The following FAM83B variants were observed in gnomAD, a reference collection of about 807,000 sequenced individuals.
The protein encoded by FAM83B is scaffolding CK1 anchoring protein B.
Under a neutral mutation model 38.8 loss-of-function variants are expected in FAM83B, and 26 were observed. That is an observed-to-expected ratio of 0.67 (90% CI 0.49 to 0.93). The LOEUF (loss-of-function observed/expected upper bound fraction) is 0.93. FAM83B is among the 40% of genes least tolerant of loss of function. The pLI, the probability that FAM83B is intolerant of heterozygous loss-of-function variation, is 0.00. For synonymous variants in FAM83B, 419 were observed against 423.1 expected, an observed-to-expected ratio of 0.99 and a Z score of 0.12; for missense variants, 1,237 against 1,197.3, an observed-to-expected ratio of 1.03 and a Z score of -0.49.
intron 2 of FAM83B, among the ~76,000 whole-genome samples, chr6:54,916,273 A>T (rs1773035650): frequency 6.6e-6 from 1 of 152,098 alleles, no homozygotes; most frequent in South Asian, 2.1e-4. Flanking sequence ...TTCATGACAG[A>T]CACCCTTTTA....
intron 2 of FAM83B, among the ~76,000 whole-genome samples, chr6:54,889,177 G>A (rs545553734): frequency 6.6e-6 from 1 of 152,168 alleles, no homozygotes; most frequent in African/African-American, 2.4e-5. Context: ...TTCAATAACA[G>A]TTGTGTCACA....
chr6:54,938,928 C>G (rs145638827), intron 4 of FAM83B, among the ~76,000 whole-genome samples: 180 of 152,152 alleles, frequency 1.2e-3, no homozygotes, highest in Non-Finnish European at 1.8e-3. Context: ...GTCATGAATT[C>G]TTTGCATAAG....
chr6:54,905,158 T>C (rs1772750748), intron 2 of FAM83B, among the ~76,000 whole-genome samples: 1 of 152,060 alleles, frequency 6.6e-6, no homozygotes, highest in Non-Finnish European at 1.5e-5. Context: ...AGGGAGAATT[T>C]ATTTGCTGCA....
intron 1 of FAM83B, among the ~76,000 whole-genome samples, chr6:54,860,371 T>C (rs190628247): frequency 6.6e-6 from 1 of 152,318 alleles, no homozygotes; most frequent in East Asian, 1.9e-4. Context: ...TCTATACTCC[T>C]ATACCTTGCC....
At chr6:54,912,075 C>T (rs1772923070) in intron 2 of FAM83B, among the ~76,000 whole-genome samples, 1 of 151,450 alleles carries the variant, frequency 6.6e-6, no homozygotes, top group Non-Finnish European at 1.5e-5. Flanking sequence ...TTTCATGATC[C>T]CTATGTTTAT....
chr6:54,870,340 A>G lies in FAM83B; in HGVS notation c.94A>G (p.Ile32Val). Residue 32 changes from isoleucine to valine, a missense_variant, in exon 2 of 5, where the codon ATT becomes GTT. Ile to Val is a conservative substitution (Grantham distance 29). Transcript: ENST00000306858. Reference protein sequence around the residue: ...PHYKEWYRVAIDILIEHGLEA... With the variant: ...PHYKEWYRVAVDILIEHGLEA... ...CTACAAGGAATGGTATCGAGTAGCC[A>G]TTGATATTCTGATTGAACACGGGTT... 6.2e-7 allele frequency: 1 copy of G among 1,614,018 alleles called. No individual in the cohort carries two copies. The highest frequency in any genetic ancestry group is 8.5e-7 in the Non-Finnish European group (1 of 1,179,904).
intron 2 of FAM83B, among the ~76,000 whole-genome samples, chr6:54,882,803 A>G (rs56667985): frequency 0.097 from 14,688 of 152,130 alleles, 810 homozygotes; most frequent in Middle Eastern, 0.16. Flanking sequence ...ACCTACTTGG[A>G]GCATTCTTTC....
intron 2 of FAM83B, among the ~76,000 whole-genome samples, chr6:54,875,673 G>A (rs1771973519): frequency 6.6e-6 from 1 of 151,730 alleles, no homozygotes. Flanking sequence ...CGGAGGGGAA[G>A]AGGGAAGGTG....
chr6:54,846,377 G>A (rs1177586405), upstream of FAM83B, among the ~76,000 whole-genome samples: 2 of 152,098 alleles, frequency 1.3e-5, no homozygotes, highest in Admixed American at 6.5e-5. Flanking sequence ...CCACGGCCCC[G>A]CTCGGCCTAG....
At chr6:54,874,764 C>T (rs1771952369) in intron 2 of FAM83B, among the ~76,000 whole-genome samples, 1 of 151,996 alleles carries the variant, frequency 6.6e-6, no homozygotes, top group South Asian at 2.1e-4. Flanking sequence ...GAATCTTACT[C>T]TTGTGAAATA....
intron 2 of FAM83B, among the ~76,000 whole-genome samples, chr6:54,888,267 A>G (rs1422950877): frequency 6.9e-6 from 1 of 145,694 alleles, no homozygotes; most frequent in Admixed American, 6.8e-5. Context: ...TTTCCAAAAT[A>G]TTTTTATTAT....
chr6:54,940,276 C>T lies in FAM83B; in HGVS notation c.1305C>T (p.Ser435=), dbSNP rs9475076. The T allele has an allele frequency of 3.1e-6, 5 of 1,613,966 alleles. No individual in the cohort carries two copies. Among genetic ancestry groups the T allele is most frequent in the Non-Finnish European group, 3.4e-6 (4 of 1,179,996 alleles). The change falls in exon 5 of 5, where the codon AGC becomes AGT. Residue 435 remains serine, a synonymous_variant. Transcript: ENST00000306858. Reference sequence around the variant, plus strand: ...CCTCATCACGGGAAGGCTATGTAAGCCACCACAACACACCTGCCCAGAGTT... The same window carrying T: ...CCTCATCACGGGAAGGCTATGTAAGTCACCACAACACACCTGCCCAGAGTT... ...VASSSREGYV[S]HHNTPAQSFA... is the part of the protein sequence containing the mutation.
At chr6:54,907,926 C>A (rs1161372691) in intron 2 of FAM83B, among the ~76,000 whole-genome samples, 1 of 151,926 alleles carries the variant, frequency 6.6e-6, no homozygotes, top group Non-Finnish European at 1.5e-5. Flanking sequence ...AAAGGAATGA[C>A]ATGAGACAGA....
At chr6:54,937,402 AT>A (rs1489530689) in intron 4 of FAM83B, among the ~76,000 whole-genome samples, 1 of 152,084 alleles carries the variant, frequency 6.6e-6, no homozygotes, top group East Asian at 1.9e-4. Context: ...AAAGATCCTG[AT>A]TGGCATTTTG....
intron 2 of FAM83B, among the ~76,000 whole-genome samples, chr6:54,880,991 A>G (rs920981614): frequency 6.6e-6 from 1 of 152,196 alleles, no homozygotes; most frequent in African/African-American, 2.4e-5. Context: ...TTGAGATCAT[A>G]TGTTGTATAA....
At chr6:54,875,797 A>T (rs1771978944) in intron 2 of FAM83B, among the ~76,000 whole-genome samples, 1 of 151,898 alleles carries the variant, frequency 6.6e-6, no homozygotes, top group Non-Finnish European at 1.5e-5. Context: ...GGAAGGAGAG[A>T]GAAAGAAAAA....
At chr6:54,912,407 T>A (rs1315138046) in intron 2 of FAM83B, among the ~76,000 whole-genome samples, 3 of 148,792 alleles carry the variant, frequency 2.0e-5, no homozygotes, top group African/African-American at 7.4e-5. Context: ...TTATGCTTCA[T>A]AATTTCCCCA....
Position 54,917,495 on chromosome 6 carries a change from A to C in FAM83B, c.445-8876A>C, listed in dbSNP as rs73431482. Among the ~76,000 whole-genome samples the C allele has an allele frequency of 2.2e-3, 329 of 152,236 alleles. 2 individuals are homozygous for C. The highest frequency in any genetic ancestry group is 7.6e-3 in the African/African-American group (314 of 41,532). On this transcript the variant is annotated intron_variant, in intron 2 of 4. Transcript: ENST00000306858. ...ATTTAATCATTTCTCACTTTAATGCATACCTATATTCATGATTGGTGAAAA... is the reference window on the plus strand; with the variant it reads ...ATTTAATCATTTCTCACTTTAATGCCTACCTATATTCATGATTGGTGAAAA...
At chr6:54,852,531 T>C (rs543737047) in intron 1 of FAM83B, among the ~76,000 whole-genome samples, 1 of 152,302 alleles carries the variant, frequency 6.6e-6, no homozygotes, top group Admixed American at 6.5e-5. Flanking sequence ...GGGCACAGTA[T>C]TGAAATTAGG....
Sources: gnomAD v4.1 joint callset for allele counts (sites outside exome capture counted in the v4.1 genomes callset) on GRCh38, gnomAD v4.1.1 for gene constraint, MANE v1.5 for transcripts, NCBI Gene and HGNC (gene_info 2026-07-23, HGNC 2026-07-21) for gene names.